SMC4: variants seen among roughly 807,000 people sequenced by gnomAD.
SMC4 encodes structural maintenance of chromosomes 4, also known as structural maintenance of chromosomes protein 4.
SMC4 carries 87 observed loss-of-function variants against 145.6 expected under a neutral mutation model. The observed-to-expected ratio is 0.60, with a 90% CI of 0.50 to 0.71. The LOEUF is 0.71. Among genes scored for constraint, SMC4 ranks in the 30% least tolerant of loss-of-function variants. The probability of loss-of-function intolerance (pLI) is 0.00; values close to 1 mark genes in which losing one functional copy is unlikely to be tolerated. For missense variants in SMC4, 1,447 were observed against 1,537.1 expected, an observed-to-expected ratio of 0.94 and a Z score of 0.98; for synonymous variants, 558 against 500.7, an observed-to-expected ratio of 1.11 and a Z score of -1.53.
In SMC4 at chr3:160,434,014, TAGC is replaced by T; in HGVS notation, c.*208_*210del. Reference sequence around the variant, plus strand: ...TACAAAAATATGACAATCTTGTAAGTAGCAGACTATGGAGAAAAATGAGTTACC... The same window carrying T: ...TACAAAAATATGACAATCTTGTAAGTAGACTATGGAGAAAAATGAGTTACC... On this transcript the variant is annotated 3_prime_UTR_variant, in exon 24 of 24. Coordinates refer to ENST00000357388, the MANE Select transcript of SMC4 (RefSeq NM_001002800.3). 1 of 395,200 alleles carries T rather than the reference TAGC, an allele frequency of 2.5e-6. No individual in the cohort carries two copies. Among genetic ancestry groups the T allele is most frequent in the Non-Finnish European group, 4.5e-6 (1 of 223,110 alleles). The allele number at this position is 395,200 out of a possible 1,614,324, so 24.5% of individuals were successfully genotyped here.
In SMC4 at chr3:160,402,089, A is replaced by G; in HGVS notation, c.314A>G (p.His105Arg). The G allele has an allele frequency of 1.3e-6, 2 of 1,533,644 alleles. No homozygotes were observed. Among genetic ancestry groups the G allele is most frequent in the Non-Finnish European group, 1.7e-6 (2 of 1,146,982 alleles). ...GGGGAGAAAATTCTGGGACCTTTCC[A>G]TAAGGTATTTGTATGGAAATAACTA... is the stretch of plus-strand genomic sequence containing the variant. Reference protein sequence around the residue: ...YAGEKILGPFHKRFSCIIGPN... With the variant: ...YAGEKILGPFRKRFSCIIGPN... The change falls in exon 3 of 24, where the codon CAT becomes CGT. Residue 105 changes from histidine to arginine, a missense_variant. Transcript: ENST00000357388.
At chr3:160,409,858 G>C (rs914684775) in intron 5 of SMC4, among the ~76,000 whole-genome samples, 7 of 152,154 alleles carry the variant, frequency 4.6e-5, no homozygotes, top group Non-Finnish European at 7.4e-5. Context: ...CTTGAGCCCA[G>C]GAGTTCGAGA....
intron 23 of SMC4, 39 bp from the exon 24 acceptor site, chr3:160,433,615 CTGT>C (rs754148498): frequency 4.9e-5 from 61 of 1,233,750 alleles, no homozygotes; most frequent in Non-Finnish European, 6.1e-5. Context: ...TGTGATTTAC[CTGT>C]TATTACTTAA....
intron 4 of SMC4, among the ~76,000 whole-genome samples, chr3:160,403,451 T>A (rs1263369205): frequency 6.6e-6 from 1 of 152,156 alleles, no homozygotes; most frequent in African/African-American, 2.4e-5. Context: ...TCTCTTCTGT[T>A]TAATAATGTA....
chr3:160,423,392 G>A lies in SMC4; in HGVS notation c.2020-33G>A, dbSNP rs1376706510. 4 of 971,570 alleles carry A rather than the reference G, an allele frequency of 4.1e-6. No individual in the cohort carries two copies. The African/African-American group carries it at 8.7e-5, about 21-fold the overall frequency. The allele number at this position is 971,570 out of a possible 1,614,324, so 60.2% of individuals were successfully genotyped here. A position where few individuals can be genotyped will look rare whatever the true frequency, so the allele number is the denominator to read the frequency against. Reference sequence around the variant, plus strand: ...TTTTGAGTTTTCTTTTTTGTTAACTGTTGTTTTTGTTTGTTTGTTTGTTTA... The same window carrying A: ...TTTTGAGTTTTCTTTTTTGTTAACTATTGTTTTTGTTTGTTTGTTTGTTTA... On this transcript the variant is annotated intron_variant, in intron 13 of 23. Transcript: ENST00000357388.
rs1344139031 is a variant in SMC4, at chr3:160,426,235, A to G, written c.2605+35A>G. 5.9e-6 allele frequency: 9 copies of G among 1,522,674 alleles called. No homozygotes were observed. The African/African-American group carries it at 1.2e-4, about 20-fold the overall frequency. The allele number at this position is 1,522,674 out of a possible 1,614,324, so 94.3% of individuals were successfully genotyped here. On this transcript the variant is annotated intron_variant, in intron 17 of 23. Coordinates refer to ENST00000357388, the MANE Select transcript of SMC4 (RefSeq NM_001002800.3). ...GAGATAGACCTTTTTTGGGGGGAAA[A>G]AAAAAACAGGTTTTTAAAGCTTGCA...
At chr3:160,411,603 GTTTT>G (rs1354109474) in intron 5 of SMC4, among the ~76,000 whole-genome samples, 1 of 152,052 alleles carries the variant, frequency 6.6e-6, no homozygotes, top group East Asian at 1.9e-4. Flanking sequence ...AAAGAAACAA[GTTTT>G]ATTTATTTAT....
intron 23 of SMC4, 72 bp from the exon 24 acceptor site, chr3:160,433,585 T>TAAA (rs1334870557): frequency 2.2e-6 from 2 of 896,878 alleles, no homozygotes; most frequent in African/African-American, 3.4e-5. Context: ...GTCCAAAAAA[T>TAAA]ATTTGAGGTT....
chr3:160,404,985 T>C (rs1188364788), intron 5 of SMC4, among the ~76,000 whole-genome samples: 5 of 152,076 alleles, frequency 3.3e-5, no homozygotes, highest in African/African-American at 1.2e-4. Context: ...ACACTTGGTG[T>C]TTGATTTACC....
At chr3:160,420,599 TTTG>T in intron 12 of SMC4, 138 bp from the exon 13 acceptor site, 2 of 707,834 alleles carry the variant, frequency 2.8e-6, no homozygotes, top group South Asian at 4.1e-5. Context: ...TATTTTGTAT[TTTG>T]TTGTGTACCC....
rs556422410 is a variant in SMC4 at position 160,414,268 on chromosome 3, C to T, written c.1122-99C>T. ...TTTTAGGATCCTGCCTTATTAAGAG[C>T]CTGGACATATTTATAGAGGAAGTGT... On this transcript the variant is annotated intron_variant, in intron 8 of 23. Transcript: ENST00000357388. 3 of 976,112 alleles carry T rather than the reference C, an allele frequency of 3.1e-6. No homozygotes were observed. In the South Asian group the frequency reaches 3.9e-5, roughly 13 times the overall value. The allele number at this position is 976,112 out of a possible 1,614,324, so 60.5% of individuals were successfully genotyped here.
Position 160,409,198 on chromosome 3 carries a change from G to A in SMC4, c.688-2722G>A, listed in dbSNP as rs572247957. 2.4e-4 allele frequency among the ~76,000 whole-genome samples: 36 copies of A among 147,786 alleles called. 1 individual carries two copies. The highest frequency in any genetic ancestry group is 2.2e-3 in the South Asian group (10 of 4,646). On this transcript the variant is annotated intron_variant, in intron 5 of 23. Transcript: ENST00000357388. ...GGAGAATGGCGTGAACCCGGGAGGC[G>A]GAGCTTGCAGTGAGTCGAGATCGCG...
intron 5 of SMC4, among the ~76,000 whole-genome samples, chr3:160,409,265 C>CAAAAAAAAAAAAAAAA (rs10547167): frequency 1.6e-5 from 1 of 61,946 alleles, no homozygotes; most frequent in African/African-American, 5.9e-5. Flanking sequence ...AACTCCGTCT[C>CAAAAAAAAAAAAAAAA]AAAAAAAAAA....
intron 16 of SMC4, among the ~76,000 whole-genome samples, chr3:160,425,490 A>T (rs1717696871): frequency 6.6e-6 from 1 of 152,060 alleles, no homozygotes; most frequent in Non-Finnish European, 1.5e-5. Flanking sequence ...TAAAGTGTGC[A>T]TATGGTTTTT....
At chr3:160,400,782 C>T (rs776638264) in intron 1 of SMC4, 40 bp from the exon 2 acceptor site, 1 of 1,458,738 alleles carries the variant, frequency 6.9e-7, no homozygotes, top group South Asian at 1.4e-5. Flanking sequence ...GGTGTAGCGG[C>T]CCGCGGGCTG....
At chr3:160,415,303 C>G (rs1055907502) in intron 9 of SMC4, among the ~76,000 whole-genome samples, 6 of 152,168 alleles carry the variant, frequency 3.9e-5, no homozygotes, top group Admixed American at 2.6e-4. Flanking sequence ...GTTCAAGATT[C>G]CAGTGAATAG....
chr3:160,430,583 C>A lies in SMC4; in HGVS notation c.2796-16C>A. On this transcript the variant is annotated splice_polypyrimidine_tract_variant and intron_variant, in intron 18 of 23. Transcript: ENST00000357388. ...TCACCTTACCACATTTTTGATGCAT[C>A]ATTTTGCTTCTTTAGAAACCTTCAA... 1 of 1,539,154 alleles carries A rather than the reference C, an allele frequency of 6.5e-7. No individual in the cohort carries two copies. The highest frequency in any genetic ancestry group is 8.7e-7 in the Non-Finnish European group (1 of 1,145,438).
chr3:160,427,336 C>T (rs1328235632), intron 17 of SMC4, among the ~76,000 whole-genome samples: 2 of 152,158 alleles, frequency 1.3e-5, no homozygotes, highest in Non-Finnish European at 2.9e-5. Context: ...TATAAAGGAG[C>T]AAATACAAAG....
intron 1 of SMC4, chr3:160,400,135 C>T (rs1714362758): frequency 1.3e-5 from 2 of 152,406 alleles, no homozygotes. Context: ...AACGGGACTC[C>T]GCCTGGGGAG....
Sources: allele counts gnomAD v4.1 joint callset (sites outside exome capture counted in the v4.1 genomes callset), GRCh38; gene constraint gnomAD v4.1.1; transcripts MANE v1.5; gene names NCBI Gene and HGNC (gene_info 2026-07-23, HGNC 2026-07-21).